Variants in TOP1 observed in about 807,000 individuals in gnomAD.
TOP1 encodes the protein DNA topoisomerase I, also known as DNA topoisomerase 1.
TOP1 carries 10 observed loss-of-function variants against 111.1 expected under a neutral mutation model. The observed-to-expected ratio is 0.09, with a 90% confidence interval of 0.06 to 0.15. TOP1 has a LOEUF of 0.15. Among genes scored for constraint, TOP1 ranks in the 10% least tolerant of loss-of-function variants. The probability of loss-of-function intolerance (pLI) is 1.00; values close to 1 mark genes in which losing one functional copy is unlikely to be tolerated. For synonymous variants in TOP1, 271 were observed against 302.9 expected (o/e 0.89, Z 1.10); for missense variants, 474 against 926.7 (o/e 0.51, Z 6.34).
chr20:41,072,291 C>T (rs2033677594), intron 3 of TOP1: 1 of 984,782 alleles, frequency 1.0e-6, no homozygotes. Flanking sequence ...GAAGATAATA[C>T]AGTATCTCTT....
chr20:41,101,171 C>A lies in TOP1; in HGVS notation c.1164-38C>A. On this transcript the variant is annotated intron_variant, in intron 12 of 20. Coordinates refer to ENST00000361337, the MANE Select transcript of TOP1 (RefSeq NM_003286.4). The surrounding 1 kb of genome is among the most constrained non-coding windows in gnomAD (Gnocchi z 4.1). ...TCATGAAAGGTGAAATTATTCCTCA[C>A]ATCTTATTTCACTATCCTCGTGCTC... is the stretch of plus-strand genomic sequence containing the variant. 6.2e-7 allele frequency: 1 copy of A among 1,609,264 alleles called. No homozygotes were observed. The highest frequency in any genetic ancestry group is 8.5e-7 in the Non-Finnish European group (1 of 1,175,992).
At chr20:41,077,778 G>A in intron 5 of TOP1, 141 bp downstream of exon 5, 2 of 734,832 alleles carry the variant, frequency 2.7e-6, no homozygotes, top group South Asian at 1.8e-5. Flanking sequence ...GCAGTGAGAA[G>A]ACTCGGTCTA....
chr20:41,045,487 C>T (rs1225012659), intron 2 of TOP1, among the ~76,000 whole-genome samples: 1 of 152,130 alleles, frequency 6.6e-6, no homozygotes, highest in Non-Finnish European at 1.5e-5. Context: ...TAGAGCTAAA[C>T]AGGTGAAAAT....
intron 8 of TOP1, among the ~76,000 whole-genome samples, chr20:41,088,231 G>A (rs1429515340): frequency 1.3e-5 from 2 of 152,238 alleles, no homozygotes; most frequent in African/African-American, 4.8e-5. Context: ...GGGCGTGGTG[G>A]CTCACGCCTG....
At position 41,030,450 on chromosome 20, in the gene TOP1, C is replaced by G. The variant is rs1375821220; in HGVS notation, c.58+995C>G. Among the ~76,000 whole-genome samples the G allele has an allele frequency of 2.7e-5, 4 of 149,552 alleles. No homozygotes were observed. The highest frequency in any genetic ancestry group is 7.4e-5 in the African/African-American group (3 of 40,772). ...CCTGTTCATTCTTTTTCACGAGCCA[C>G]TGTTTTTCAGGAATCAAGAACTGGC... is the stretch of plus-strand genomic sequence containing the variant. On this transcript the variant is annotated intron_variant, in intron 2 of 20. Coordinates refer to ENST00000361337, the MANE Select transcript of TOP1 (RefSeq NM_003286.4). This position sits in a 1 kb window ranked among gnomAD's most constrained non-coding sequence, Gnocchi z 4.1.
rs1344980920 is a variant in TOP1 at position 41,080,208 on chromosome 20, T to C, written c.431+28T>C. The C allele has an allele frequency of 2.9e-6, 4 of 1,391,130 alleles. No homozygotes were observed. Among genetic ancestry groups the C allele is most frequent in the South Asian group, 1.3e-5 (1 of 79,522 alleles). The allele number at this position is 1,391,130 out of a possible 1,614,324, so 86.2% of individuals were successfully genotyped here. On this transcript the variant is annotated intron_variant, in intron 6 of 20. Transcript: ENST00000361337. The surrounding 1 kb of genome is among the most constrained non-coding windows in gnomAD (Gnocchi z 5.0). ...GAGTATTTTCTTAAAACTTTGACTT[T>C]TGAAAACAAAAAGGAGGAGTTTAAA... is the stretch of plus-strand genomic sequence containing the variant.
At chr20:41,091,421 G>A (rs955249356) in intron 8 of TOP1, among the ~76,000 whole-genome samples, 7 of 152,030 alleles carry the variant, frequency 4.6e-5, no homozygotes. Flanking sequence ...TGTGATAATA[G>A]TTTTGTGGTT....
At chr20:41,084,703 T>C (rs751465999) in intron 8 of TOP1, 135 bp downstream of exon 8, 5 of 585,640 alleles carry the variant, frequency 8.5e-6, no homozygotes, top group Non-Finnish European at 1.5e-5. Context: ...AGAGTAACTT[T>C]CTGAAGTAAG....
At position 41,121,642 on chromosome 20, in the gene TOP1, G is replaced by C. The variant is rs546844269; in HGVS notation, c.1951-54G>C. 7.0e-7 allele frequency: 1 copy of C among 1,421,358 alleles called. No individual in the cohort carries two copies. The highest frequency in any genetic ancestry group is 1.1e-5 in the South Asian group (1 of 87,080). The allele number at this position is 1,421,358 out of a possible 1,614,324, so 88.0% of individuals were successfully genotyped here. On this transcript the variant is annotated intron_variant, in intron 18 of 20. Transcript: ENST00000361337. The surrounding 1 kb of genome is among the most constrained non-coding windows in gnomAD (Gnocchi z 4.2). ...TAACATCTTGGTTTCACCTTCTCAG[G>C]TGGAGCCATTTTTCCTCTACAGCTC...
At chr20:41,105,010 T>C (rs1344753598) in intron 13 of TOP1, among the ~76,000 whole-genome samples, 1 of 152,232 alleles carries the variant, frequency 6.6e-6, no homozygotes, top group East Asian at 1.9e-4. Flanking sequence ...ATGTCCACCA[T>C]CTGGCTTTGT....
rs1319692122 is a variant in TOP1 at position 41,122,707 on chromosome 20, T to A, written c.2196-488T>A. Among the ~76,000 whole-genome samples the A allele has an allele frequency of 6.6e-6, 1 of 152,222 alleles. No homozygotes were observed. The highest frequency in any genetic ancestry group is 1.5e-5 in the Non-Finnish European group (1 of 68,028). ...TATGGAAGATGTTTAGTTTGAGCTGTTAAGTTCTGAGCATAGGTGGAGATA... is the reference window on the plus strand; with the variant it reads ...TATGGAAGATGTTTAGTTTGAGCTGATAAGTTCTGAGCATAGGTGGAGATA... On this transcript the variant is annotated intron_variant, in intron 20 of 20. Coordinates refer to ENST00000361337, the MANE Select transcript of TOP1 (RefSeq NM_003286.4). This position sits in a 1 kb window ranked among gnomAD's most constrained non-coding sequence, Gnocchi z 5.4.
chr20:41,048,921 G>C (rs1212364124), intron 2 of TOP1, among the ~76,000 whole-genome samples: 1 of 152,172 alleles, frequency 6.6e-6, no homozygotes, highest in Non-Finnish European at 1.5e-5. Context: ...ATAAGACAGT[G>C]GTTGTGGAGA....
At chr20:41,037,778 C>CT (rs1281229330) in intron 2 of TOP1, among the ~76,000 whole-genome samples, 2 of 152,158 alleles carry the variant, frequency 1.3e-5, no homozygotes, top group Non-Finnish European at 2.9e-5. Context: ...GATGTGTTCA[C>CT]TAGTGTTCAT....
chr20:41,081,595 C>T (rs1366902149), intron 7 of TOP1, among the ~76,000 whole-genome samples: 4 of 152,162 alleles, frequency 2.6e-5, no homozygotes, highest in African/African-American at 4.8e-5. Flanking sequence ...GAAGAAATTT[C>T]CCTAAGAATT....
chr20:41,077,948 A>ATTT lies in TOP1; in HGVS notation c.335+331_335+333dup, dbSNP rs57349578. 2.7e-4 allele frequency among the ~76,000 whole-genome samples: 35 copies of ATTT among 129,518 alleles called. 1 individual carries two copies. In the East Asian group the frequency reaches 4.2e-3, roughly 16 times the overall value. 85.0% of individuals were successfully genotyped at this position (129,518 alleles called of 152,430 possible). A position where few individuals can be genotyped will look rare whatever the true frequency, so the allele number is the denominator to read the frequency against. ...GTATTTTAATGGTATACAGTGTACC[A>ATTT]TTTTTTTTTTTTTTTTTTTTTTAGT... On this transcript the variant is annotated intron_variant, in intron 5 of 20. Coordinates refer to ENST00000361337, the MANE Select transcript of TOP1 (RefSeq NM_003286.4).
chr20:41,112,031 C>T lies in TOP1; in HGVS notation c.1309-751C>T, dbSNP rs1450506536. On this transcript the variant is annotated intron_variant, in intron 13 of 20. Transcript: ENST00000361337. This position sits in a 1 kb window ranked among gnomAD's most constrained non-coding sequence, Gnocchi z 5.8. ...TAGAATCAACTTTTAACCCTTCCAC[C>T]AAAAGCTCTTATTTTTTTAAAGGCT... 6.6e-6 allele frequency among the ~76,000 whole-genome samples: 1 copy of T among 152,138 alleles called. No individual in the cohort carries two copies. The highest frequency in any genetic ancestry group is 2.4e-5 in the African/African-American group (1 of 41,422).
chr20:41,116,859 G>A lies in TOP1; in HGVS notation c.1822+467G>A, dbSNP rs964999968. Among the ~76,000 whole-genome samples the A allele has an allele frequency of 1.3e-5, 2 of 152,018 alleles. No individual in the cohort carries two copies. The highest frequency in any genetic ancestry group is 2.4e-5 in the African/African-American group (1 of 41,372). Reference sequence around the variant, plus strand: ...TAGAATATTATCACCAAGATCCACGGGCTTTTTTTTTCCTGGAGCCCAGTC... The same window carrying A: ...TAGAATATTATCACCAAGATCCACGAGCTTTTTTTTTCCTGGAGCCCAGTC... On this transcript the variant is annotated intron_variant, in intron 17 of 20. Transcript: ENST00000361337. The surrounding 1 kb of genome is among the most constrained non-coding windows in gnomAD (Gnocchi z 5.6).
rs1392653476 is a variant in TOP1, at chr20:41,112,832, T to C, written c.1359T>C (p.Cys453=). The change falls in exon 14 of 21, where the codon TGT becomes TGC. Residue 453 remains cysteine (C), a synonymous_variant. Transcript: ENST00000361337. The surrounding 1 kb of genome is among the most constrained non-coding windows in gnomAD (Gnocchi z 5.8). The part of the protein sequence containing the change: ...KYETARRLKK[C]VDKIRNQYRE... ...AGACTGCTCGGCGGCTGAAAAAATGTGTGGACAAGATCCGGAACCAGTATC... is the reference window on the plus strand; with the variant it reads ...AGACTGCTCGGCGGCTGAAAAAATGCGTGGACAAGATCCGGAACCAGTATC... 1.2e-6 allele frequency: 2 copies of C among 1,614,184 alleles called. No homozygotes were observed. Among genetic ancestry groups the C allele is most frequent in the South Asian group, 2.2e-5 (2 of 91,082 alleles).
chr20:41,049,741 C>T (rs2033379776), intron 2 of TOP1, among the ~76,000 whole-genome samples: 1 of 152,214 alleles, frequency 6.6e-6, no homozygotes, highest in Non-Finnish European at 1.5e-5. Flanking sequence ...AAGTGGCACT[C>T]AGTAAATACT....
Sources: allele counts gnomAD v4.1 joint callset (sites outside exome capture counted in the v4.1 genomes callset), GRCh38; gene constraint gnomAD v4.1.1; non-coding constraint Gnocchi (gnomAD v3.1); transcripts MANE v1.5; gene names NCBI Gene and HGNC (gene_info 2026-07-23, HGNC 2026-07-21).